CPQ: variants seen among roughly 807,000 people sequenced by gnomAD.
The protein encoded by CPQ is Ser-Met dipeptidase.
A neutral mutation model predicts 45.7 loss-of-function variants in CPQ; 37 were observed. That is an observed-to-expected ratio of 0.81 (90% confidence interval 0.62 to 1.07). The LOEUF (loss-of-function observed/expected upper bound fraction) is 1.07. Ranked by LOEUF, CPQ falls within the 50% of genes least tolerant of loss-of-function variation. The pLI is 0.00. For missense variants in CPQ, 537 were observed against 572.9 expected (o/e 0.94, Z 0.64); for synonymous variants, 186 against 205.8 (o/e 0.90, Z 0.82).
intron 7 of CPQ, among the ~76,000 whole-genome samples, chr8:97,116,372 A>G (rs752018613): frequency 6.6e-6 from 1 of 152,248 alleles, no homozygotes; most frequent in Non-Finnish European, 1.5e-5. Context: ...GCCAGCCTGT[A>G]ATGGCAACAG....
At chr8:96,977,788 A>G (rs954082427) in intron 5 of CPQ, among the ~76,000 whole-genome samples, 4 of 152,348 alleles carry the variant, frequency 2.6e-5, no homozygotes, top group South Asian at 2.1e-4. Context: ...ATGCAAATGC[A>G]TAAGAATGAT....
At chr8:96,825,440 A>G (rs1439998179) in intron 2 of CPQ, among the ~76,000 whole-genome samples, 1 of 151,990 alleles carries the variant, frequency 6.6e-6, no homozygotes, top group African/African-American at 2.4e-5. Context: ...CTAGTTTGGT[A>G]AGGTATTTGA....
chr8:96,691,614 C>A (rs1383240418), intron 1 of CPQ, among the ~76,000 whole-genome samples: 1 of 152,036 alleles, frequency 6.6e-6, no homozygotes, highest in African/African-American at 2.4e-5. Flanking sequence ...TTATAATTTA[C>A]TTGAGGACTC....
At chr8:96,748,543 C>T (rs960273648) in intron 1 of CPQ, among the ~76,000 whole-genome samples, 5 of 151,426 alleles carry the variant, frequency 3.3e-5, no homozygotes, top group African/African-American at 1.2e-4. Context: ...CATTTTAGAC[C>T]GTAAGCATTT....
intron 1 of CPQ, among the ~76,000 whole-genome samples, chr8:96,718,700 G>A (rs1310326051): frequency 2.6e-5 from 4 of 152,142 alleles, no homozygotes; most frequent in Non-Finnish European, 4.4e-5. Flanking sequence ...CCTGCTGATT[G>A]GTAGAGCCGA....
chr8:97,134,590 G>A (rs1405957379), intron 7 of CPQ, among the ~76,000 whole-genome samples: 1 of 152,114 alleles, frequency 6.6e-6, no homozygotes, highest in Non-Finnish European at 1.5e-5. Flanking sequence ...CCATCTCTTT[G>A]TCATAAAGTA....
chr8:96,774,127 C>G (rs142353624), intron 1 of CPQ, among the ~76,000 whole-genome samples: 1 of 151,940 alleles, frequency 6.6e-6, no homozygotes, highest in African/African-American at 2.4e-5. Flanking sequence ...AAAAATTAGC[C>G]GGGCACAGTG....
At chr8:96,826,056 A>G (rs1235534888) in intron 2 of CPQ, among the ~76,000 whole-genome samples, 1 of 152,094 alleles carries the variant, frequency 6.6e-6, no homozygotes, top group African/African-American at 2.4e-5. Flanking sequence ...TGCTTGTTTT[A>G]TTTAGAAATG....
At chr8:96,883,116 T>C (rs1812250912) in intron 4 of CPQ, among the ~76,000 whole-genome samples, 3 of 152,260 alleles carry the variant, frequency 2.0e-5, no homozygotes, top group Admixed American at 2.0e-4. Flanking sequence ...TTTCTTCCTT[T>C]ATATCCCCGA....
chr8:97,112,643 A>G (rs935296957), intron 7 of CPQ, among the ~76,000 whole-genome samples: 15 of 152,238 alleles, frequency 9.9e-5, no homozygotes, highest in African/African-American at 3.6e-4. Flanking sequence ...TTATAAGCTC[A>G]CACAGGGGAA....
chr8:96,860,908 A>G (rs1382617547), intron 3 of CPQ, among the ~76,000 whole-genome samples: 1 of 152,172 alleles, frequency 6.6e-6, no homozygotes, highest in African/African-American at 2.4e-5. Flanking sequence ...ATGGATTTTC[A>G]ATGTGAGTGT....
intron 2 of CPQ, among the ~76,000 whole-genome samples, chr8:96,809,282 T>C (rs1038514152): frequency 1.3e-5 from 2 of 152,188 alleles, no homozygotes; most frequent in African/African-American, 4.8e-5. Flanking sequence ...CAAAGGCTTA[T>C]AGGTGAATAT....
At chr8:97,137,899 A>G (rs1812091579) in intron 7 of CPQ, among the ~76,000 whole-genome samples, 1 of 151,814 alleles carries the variant, frequency 6.6e-6, no homozygotes, top group Non-Finnish European at 1.5e-5. Flanking sequence ...AAAAAAAAAA[A>G]GGACTTCTGG....
chr8:97,062,960 A>G (rs764991242), intron 6 of CPQ, among the ~76,000 whole-genome samples: 4 of 152,140 alleles, frequency 2.6e-5, no homozygotes, highest in Non-Finnish European at 5.9e-5. Context: ...TTTATAATAT[A>G]GAATGATTTC....
chr8:97,005,994 G>A (rs187958358), intron 5 of CPQ, among the ~76,000 whole-genome samples: 23 of 152,244 alleles, frequency 1.5e-4, no homozygotes, highest in African/African-American at 5.1e-4. Context: ...CCCAGGTATC[G>A]TCTGCAGTTT....
intron 1 of CPQ, among the ~76,000 whole-genome samples, chr8:96,687,542 T>C (rs1809248691): frequency 6.6e-6 from 1 of 152,146 alleles, no homozygotes; most frequent in African/African-American, 2.4e-5. Context: ...ATTTCACTTT[T>C]TATGTTTATT....
intron 2 of CPQ, among the ~76,000 whole-genome samples, chr8:96,790,579 G>A (rs1297123322): frequency 2.0e-5 from 3 of 152,104 alleles, no homozygotes; most frequent in Admixed American, 2.0e-4. Flanking sequence ...TGAAACTGTA[G>A]CCCTAAACTG....
chr8:96,750,069 G>C (rs1167622036), intron 1 of CPQ, among the ~76,000 whole-genome samples: 1 of 151,698 alleles, frequency 6.6e-6, no homozygotes, highest in African/African-American at 2.4e-5. Flanking sequence ...TCAGATTTAA[G>C]AATCTATTTA....
chr8:96,840,715 A>G (rs1344924346), intron 3 of CPQ, among the ~76,000 whole-genome samples: 1 of 152,212 alleles, frequency 6.6e-6, no homozygotes, highest in African/African-American at 2.4e-5. Flanking sequence ...ATTGGAATGG[A>G]AAGAAATCAG....
Sources: allele counts gnomAD v4.1 joint callset (sites outside exome capture counted in the v4.1 genomes callset), GRCh38; gene constraint gnomAD v4.1.1; transcripts MANE v1.5; gene names NCBI Gene and HGNC (gene_info 2026-07-23, HGNC 2026-07-21).